Variants in PCDH11X observed in about 807,000 individuals in gnomAD.
PCDH11X encodes protocadherin-11 X-linked.
In PCDH11X, 18 loss-of-function variants were observed where a neutral mutation model predicts 53.3. The ratio of observed to expected loss-of-function variants is 0.34; its 90% CI spans 0.23 to 0.50. The LOEUF is 0.50. Among genes scored for constraint, PCDH11X ranks in the 20% least tolerant of loss-of-function variants. The pLI, the probability that PCDH11X is intolerant of heterozygous loss-of-function variation, is 0.98. For missense variants in PCDH11X, 570 were observed against 1,032.4 expected, an observed-to-expected ratio of 0.55 and a Z score of 6.14; for synonymous variants, 279 against 393.3, an observed-to-expected ratio of 0.71 and a Z score of 3.44.
intron 6 of PCDH11X, among the ~76,000 whole-genome samples, chrX:92,020,009 G>A (rs1420019637): frequency 3.6e-5 from 4 of 112,225 alleles, no homozygotes; most frequent in South Asian, 3.7e-4. Flanking sequence ...GGCAGTGAGT[G>A]AATGTGCTAC....
chrX:92,179,842 C>T (rs1382450521), intron 6 of PCDH11X, among the ~76,000 whole-genome samples: 1 of 111,795 alleles, frequency 8.9e-6, no homozygotes, highest in Non-Finnish European at 1.9e-5. Context: ...AAGCAGCAAT[C>T]AGCAGTAGAG....
intron 7 of PCDH11X, among the ~76,000 whole-genome samples, chrX:92,255,681 A>T (rs1452584884): frequency 1.3e-4 from 14 of 110,835 alleles, no homozygotes; most frequent in African/African-American, 2.6e-4. Flanking sequence ...CAGCTGCAGG[A>T]CTGTTGGAAT....
intron 6 of PCDH11X, among the ~76,000 whole-genome samples, chrX:91,912,201 T>C (rs1315317175): frequency 8.9e-6 from 1 of 111,736 alleles, no homozygotes; most frequent in Non-Finnish European, 1.9e-5. Flanking sequence ...TTTCCAAAGA[T>C]AATATCATAC....
intron 6 of PCDH11X, among the ~76,000 whole-genome samples, chrX:91,972,589 G>A (rs1319284182): frequency 8.3e-5 from 9 of 107,865 alleles, no homozygotes; most frequent in African/African-American, 2.7e-4. Context: ...TAGGTCTAAC[G>A]TTTAAGTCTT....
chrX:92,355,005 T>C (rs1424902937), intron 8 of PCDH11X, among the ~76,000 whole-genome samples: 2 of 109,798 alleles, frequency 1.8e-5, no homozygotes, highest in Non-Finnish European at 3.8e-5. Context: ...CCATTTATAC[T>C]AGTCTGTAGT....
rs186919212 is a variant in PCDH11X, at chrX:91,871,177, T to C, written c.541-5604T>C. Among the ~76,000 whole-genome samples, 31 of 110,004 alleles carry C rather than the reference T, an allele frequency of 2.8e-4. No homozygotes were observed. The Admixed American group carries it at 2.8e-3, about 10-fold the overall frequency. On this transcript the variant is annotated intron_variant, in intron 5 of 10. Transcript: ENST00000682573. ...GAAAGTGAATTTATGATAATACTTA[T>C]TATATCTGTATTGAGAATATTCAAT...
At chrX:92,052,977 A>G (rs778669637) in intron 6 of PCDH11X, among the ~76,000 whole-genome samples, 31 of 111,711 alleles carry the variant, frequency 2.8e-4, no homozygotes, top group African/African-American at 8.7e-4. Flanking sequence ...AAGCAGAAAT[A>G]TTTCCTCAGT....
intron 8 of PCDH11X, among the ~76,000 whole-genome samples, chrX:92,377,628 C>G (rs1209687645): frequency 1.1e-4 from 11 of 104,324 alleles, no homozygotes; most frequent in Non-Finnish European, 1.8e-4. Flanking sequence ...CAGCATCACT[C>G]TAGTATGATC....
intron 9 of PCDH11X, among the ~76,000 whole-genome samples, chrX:92,432,511 T>G (rs1170084283): frequency 1.8e-5 from 2 of 110,535 alleles, no homozygotes; most frequent in African/African-American, 6.5e-5. Flanking sequence ...CCTTCTTTAT[T>G]TGGCTGCATT....
intron 6 of PCDH11X, among the ~76,000 whole-genome samples, chrX:92,100,873 A>T (rs1210817960): frequency 4.5e-5 from 5 of 110,653 alleles, no homozygotes; most frequent in African/African-American, 1.7e-4. Context: ...GATTTGTGGT[A>T]AGGGGTGATA....
At chrX:91,836,848 C>T (rs1445071219) in intron 5 of PCDH11X, among the ~76,000 whole-genome samples, 1 of 110,834 alleles carries the variant, frequency 9.0e-6, no homozygotes, top group Non-Finnish European at 1.9e-5. Flanking sequence ...AGAGGGGCCA[C>T]ATTTATCAAG....
chrX:92,464,005 G>T (rs1053633385), intron 9 of PCDH11X, among the ~76,000 whole-genome samples: 2 of 111,413 alleles, frequency 1.8e-5, no homozygotes, highest in African/African-American at 6.5e-5. Context: ...GATTCCTAAG[G>T]TTTTAGTTAC....
intron 3 of PCDH11X, among the ~76,000 whole-genome samples, chrX:91,810,926 A>G (rs760831510): frequency 1.8e-5 from 2 of 112,191 alleles, no homozygotes; most frequent in East Asian, 5.6e-4. Context: ...TAATGATCCA[A>G]GGAATAATAG....
intron 8 of PCDH11X, among the ~76,000 whole-genome samples, chrX:92,296,162 T>C (rs1417486933): frequency 9.0e-6 from 1 of 111,076 alleles, no homozygotes; most frequent in Non-Finnish European, 1.9e-5. Context: ...GGTGAATCAG[T>C]CTTGGATCCC....
chrX:91,962,858 C>G (rs1378917887), intron 6 of PCDH11X, among the ~76,000 whole-genome samples: 1 of 111,581 alleles, frequency 9.0e-6, no homozygotes, highest in Admixed American at 9.5e-5. Flanking sequence ...AGCTGCCAAC[C>G]CTTGGGGCTT....
chrX:92,580,568 G>A (rs1366795226), intron 10 of PCDH11X, among the ~76,000 whole-genome samples: 1 of 110,464 alleles, frequency 9.1e-6, no homozygotes, highest in Non-Finnish European at 1.9e-5. Flanking sequence ...TCCGGTCCAA[G>A]CAGCCCAGTC....
intron 6 of PCDH11X, among the ~76,000 whole-genome samples, chrX:92,048,340 A>G (rs2063322410): frequency 9.0e-6 from 1 of 110,632 alleles, no homozygotes; most frequent in Non-Finnish European, 1.9e-5. Flanking sequence ...TCATTATTTA[A>G]AACTTTGAGA....
At chrX:92,125,927 G>A (rs902069526) in intron 6 of PCDH11X, among the ~76,000 whole-genome samples, 27 of 108,816 alleles carry the variant, frequency 2.5e-4, no homozygotes, top group Admixed American at 5.0e-4. Flanking sequence ...AGGAGTTCAA[G>A]ACCAGTATGG....
intron 5 of PCDH11X, among the ~76,000 whole-genome samples, chrX:91,854,730 T>C (rs1296586968): frequency 8.9e-6 from 1 of 112,310 alleles, no homozygotes; most frequent in Non-Finnish European, 1.9e-5. Context: ...TTGATTTGCA[T>C]TTCTCTGATG....
Sources: allele counts gnomAD v4.1 joint callset (sites outside exome capture counted in the v4.1 genomes callset), GRCh38; gene constraint gnomAD v4.1.1; transcripts MANE v1.5; gene names NCBI Gene and HGNC (gene_info 2026-07-23, HGNC 2026-07-21).